The following FMNL2 variants were observed in gnomAD, a reference collection of about 807,000 sequenced individuals.
FMNL2 encodes formin like 2.
In FMNL2, 51 loss-of-function variants were observed where a neutral mutation model predicts 130.2. That is an observed-to-expected ratio of 0.39 (90% CI 0.31 to 0.49). The LOEUF (loss-of-function observed/expected upper bound fraction) is 0.49, where lower values mean the gene tolerates loss of function less well. Among genes scored for constraint, FMNL2 ranks in the 20% least tolerant of loss-of-function variants. The probability of loss-of-function intolerance (pLI) is 0.85; values close to 1 mark genes in which losing one functional copy is unlikely to be tolerated. For synonymous variants in FMNL2, 465 were observed against 467.1 expected (o/e 1.00, Z 0.06); for missense variants, 977 against 1,316.2 (o/e 0.74, Z 3.99).
chr2:152,404,938 T>C (rs796968366), intron 1 of FMNL2, among the ~76,000 whole-genome samples: 7 of 152,282 alleles, frequency 4.6e-5, no homozygotes, highest in African/African-American at 1.7e-4. Flanking sequence ...CAACAGGCCC[T>C]GAGTACTGCA....
intron 1 of FMNL2, among the ~76,000 whole-genome samples, chr2:152,516,611 T>C (rs1692784173): frequency 6.6e-6 from 1 of 152,200 alleles, no homozygotes. Flanking sequence ...ATTTCCCTCC[T>C]GTGTGTCTCC....
intron 12 of FMNL2, among the ~76,000 whole-genome samples, chr2:152,616,609 G>A (rs533878982): frequency 1.0e-3 from 152 of 152,246 alleles, no homozygotes; most frequent in African/African-American, 3.4e-3. Context: ...TGGGATTACA[G>A]GCGTGGCAAC....
chr2:152,521,993 T>A lies in FMNL2; in HGVS notation c.168T>A (p.Asp56Glu). 6.2e-7 allele frequency: 1 copy of A among 1,610,470 alleles called. No homozygotes were observed. The highest frequency in any genetic ancestry group is 8.5e-7 in the Non-Finnish European group (1 of 1,179,014). ...PDKARLLRQY[D>E]NEKKWELICD... ...AAGCCAGGTTACTGCGGCAGTATGA[T>A]AATGAGAAAAAATGGGAACTGATTT... Residue 56 changes from aspartate to glutamate, a missense_variant, in exon 2 of 26, where the codon GAT becomes GAA. Transcript: ENST00000288670.
intron 1 of FMNL2, among the ~76,000 whole-genome samples, chr2:152,473,213 A>C (rs906487866): frequency 1.3e-5 from 2 of 152,190 alleles, no homozygotes; most frequent in Non-Finnish European, 2.9e-5. Flanking sequence ...TGTATGATAC[A>C]TATCTTTTTA....
At chr2:152,530,028 T>A (rs1693604230) in intron 2 of FMNL2, among the ~76,000 whole-genome samples, 1 of 152,198 alleles carries the variant, frequency 6.6e-6, no homozygotes, top group African/African-American at 2.4e-5. Flanking sequence ...CCTGCCTTCC[T>A]GCCTAGCAAT....
At chr2:152,363,790 GA>G (rs1224897796) in intron 1 of FMNL2, among the ~76,000 whole-genome samples, 2 of 152,138 alleles carry the variant, frequency 1.3e-5, no homozygotes, top group African/African-American at 4.8e-5. Context: ...TCGAACTCCT[GA>G]CCTCAGGTGA....
chr2:152,343,351 A>G (rs967757113), intron 1 of FMNL2, among the ~76,000 whole-genome samples: 4 of 152,214 alleles, frequency 2.6e-5, no homozygotes, highest in South Asian at 2.1e-4. Context: ...GCTGGCGTAC[A>G]GTGGCGTGAT....
At position 152,626,587 on chromosome 2, in the gene FMNL2, T is replaced by C. The variant is rs1681802096; in HGVS notation, c.2025T>C (p.Asp675=). ...FKTKAQGPAI[D]LSSSKQKIPQ... ...CAAAAGCCCAAGGACCTGCCATTGATCTTTCTTCAAGCAAACAGAAGATAC... is the reference window on the plus strand; with the variant it reads ...CAAAAGCCCAAGGACCTGCCATTGACCTTTCTTCAAGCAAACAGAAGATAC... Residue 675 remains aspartate (D), a synonymous_variant, in exon 17 of 26, where the codon GAT becomes GAC. Coordinates refer to ENST00000288670, the MANE Select transcript of FMNL2 (RefSeq NM_052905.4). The C allele has an allele frequency of 1.2e-6, 2 of 1,612,592 alleles. No individual in the cohort carries two copies. Among genetic ancestry groups the C allele is most frequent in the African/African-American group, 2.7e-5 (2 of 74,918 alleles).
At chr2:152,542,169 C>T (rs1694346146) in intron 2 of FMNL2, among the ~76,000 whole-genome samples, 1 of 152,176 alleles carries the variant, frequency 6.6e-6, no homozygotes, top group Non-Finnish European at 1.5e-5. Flanking sequence ...GGAATCCATT[C>T]ATGTCGGCAC....
At chr2:152,495,309 A>T (rs1691443101) in intron 1 of FMNL2, among the ~76,000 whole-genome samples, 1 of 152,098 alleles carries the variant, frequency 6.6e-6, no homozygotes, top group Admixed American at 6.5e-5. Context: ...TTGTGTTCCT[A>T]TTCTACGTAG....
intron 20 of FMNL2, 32 bp from the exon 21 acceptor site, chr2:152,631,976 T>A (rs750228465): frequency 1.2e-6 from 2 of 1,601,710 alleles, no homozygotes; most frequent in South Asian, 2.3e-5. Flanking sequence ...CCTTTACTCT[T>A]GTACCTAACC....
intron 1 of FMNL2, among the ~76,000 whole-genome samples, chr2:152,510,133 G>A (rs16831247): frequency 0.13 from 19,325 of 152,112 alleles, 2,006 homozygotes; most frequent in African/African-American, 0.25. Context: ...TAACAACCAC[G>A]TACAAATAGA....
At position 152,575,118 on chromosome 2, in the gene FMNL2, T is replaced by C; in HGVS notation, c.597-18T>C. ...AAGTAACCTGTTGTTTTATAGAAGT[T>C]TCTCTTTTTGTTTGTAGATATAATA... is the stretch of plus-strand genomic sequence containing the variant. On this transcript the variant is annotated intron_variant, in intron 6 of 25. Coordinates refer to ENST00000288670, the MANE Select transcript of FMNL2 (RefSeq NM_052905.4). The C allele has an allele frequency of 6.8e-7, 1 of 1,479,870 alleles. No homozygotes were observed. 91.7% of individuals were successfully genotyped at this position (1,479,870 alleles called of 1,614,324 possible).
intron 2 of FMNL2, among the ~76,000 whole-genome samples, chr2:152,528,267 C>T (rs76419482): frequency 1.9e-3 from 292 of 152,138 alleles, no homozygotes; most frequent in African/African-American, 6.0e-3. Context: ...GATAGGGTAA[C>T]GAATAGATGC....
chr2:152,574,531 A>G (rs55825236), intron 6 of FMNL2, among the ~76,000 whole-genome samples: 3,194 of 152,290 alleles, frequency 0.021, 128 homozygotes, highest in African/African-American at 0.072. Flanking sequence ...GTGATGCAGA[A>G]ATATGACACT....
chr2:152,648,042 G>A lies in FMNL2; in HGVS notation c.*137G>A. The A allele has an allele frequency of 1.4e-6, 1 of 715,896 alleles. No homozygotes were observed. The allele number at this position is 715,896 out of a possible 1,614,324, so 44.3% of individuals were successfully genotyped here. On this transcript the variant is annotated 3_prime_UTR_variant, in exon 26 of 26. Transcript: ENST00000288670. ...GGGCTCAGATTTAGCAAACACGGAA[G>A]AATTTTAAAATGAGCTCTCCTTTCA...
chr2:152,552,920 A>G (rs1695015525), intron 4 of FMNL2, among the ~76,000 whole-genome samples: 2 of 152,342 alleles, frequency 1.3e-5, no homozygotes, highest in South Asian at 2.1e-4. Flanking sequence ...TTATTGTAGT[A>G]AAGCTACCTA....
intron 3 of FMNL2, among the ~76,000 whole-genome samples, chr2:152,546,496 C>A (rs1375349646): frequency 6.6e-6 from 1 of 152,108 alleles, no homozygotes; most frequent in Non-Finnish European, 1.5e-5. Context: ...TATCTGCCCC[C>A]ATGACCCAAA....
chr2:152,561,707 G>T (rs1316180111), intron 6 of FMNL2, among the ~76,000 whole-genome samples: 1 of 151,990 alleles, frequency 6.6e-6, no homozygotes, highest in African/African-American at 2.4e-5. Context: ...CCAACTGGCT[G>T]GGATTACAGG....
Sources: allele counts gnomAD v4.1 joint callset (sites outside exome capture counted in the v4.1 genomes callset), GRCh38; gene constraint gnomAD v4.1.1; transcripts MANE v1.5; gene names NCBI Gene and HGNC (gene_info 2026-07-23, HGNC 2026-07-21).